The following KCNG2 variants were observed in gnomAD, a reference collection of about 807,000 sequenced individuals.
KCNG2 encodes the protein potassium voltage-gated channel modifier subfamily G member 2, also known as voltage-gated potassium channel regulatory subunit KCNG2.
KCNG2 carries 7 observed loss-of-function variants against 12.3 expected under a neutral mutation model. That is an observed-to-expected ratio of 0.57 (90% confidence interval 0.32 to 1.07). KCNG2 has a LOEUF of 1.07. Ranked by LOEUF, KCNG2 falls within the 50% of genes least tolerant of loss-of-function variation. The pLI, the probability that KCNG2 is intolerant of heterozygous loss-of-function variation, is 0.04. For synonymous variants in KCNG2, 414 were observed against 351.4 expected (o/e 1.18, Z -1.99); for missense variants, 703 against 726.0 (o/e 0.97, Z 0.36).
intron 1 of KCNG2, among the ~76,000 whole-genome samples, chr18:79,850,832 T>G (rs1978788866): frequency 6.6e-6 from 1 of 152,214 alleles, no homozygotes. Context: ...CATGGCCCAG[T>G]AAGAACTCAA....
At chr18:79,873,622 C>T (rs1979951065) in intron 3 of KCNG2, among the ~76,000 whole-genome samples, 1 of 152,092 alleles carries the variant, frequency 6.6e-6, no homozygotes, top group Admixed American at 6.5e-5. Flanking sequence ...GTTGGGGAGC[C>T]CTGGACGGGA....
chr18:79,836,850 A>G (rs1978330950), intron 1 of KCNG2, among the ~76,000 whole-genome samples: 1 of 152,112 alleles, frequency 6.6e-6, no homozygotes, highest in South Asian at 2.1e-4. Context: ...GAGGATGACA[A>G]TTCAAGCTGA....
intron 1 of KCNG2, among the ~76,000 whole-genome samples, chr18:79,844,068 A>AG (rs1302161481): frequency 6.6e-6 from 1 of 152,170 alleles, no homozygotes; most frequent in Non-Finnish European, 1.5e-5. Flanking sequence ...ACCAAAAGAG[A>AG]GCAGGGGTGT....
intron 1 of KCNG2, among the ~76,000 whole-genome samples, chr18:79,833,832 G>C (rs774619081): frequency 9.2e-5 from 14 of 152,372 alleles, no homozygotes; most frequent in Non-Finnish European, 1.9e-4. Flanking sequence ...GGCTTTTGTG[G>C]CAAAGTGTGG....
chr18:79,825,749 GA>G (rs2059031447), intron 1 of KCNG2, among the ~76,000 whole-genome samples: 1 of 152,214 alleles, frequency 6.6e-6, no homozygotes, highest in Non-Finnish European at 1.5e-5. Flanking sequence ...TCTAAAATTA[GA>G]ATCGTTTTTA....
At chr18:79,861,698 T>A (rs753318986) in intron 2 of KCNG2, among the ~76,000 whole-genome samples, 12 of 152,228 alleles carry the variant, frequency 7.9e-5, no homozygotes, top group Non-Finnish European at 1.3e-4. Context: ...GGAGGGTTTT[T>A]AAACCATATT....
Position 79,884,538 on chromosome 18 carries a change from AGGGC to A in KCNG2, c.625-14501_625-14498del, listed in dbSNP as rs906218113. ...TGATGTCCCGATGCAGTGGAGGAGC[AGGGC>A]TGGGTCTGGGCCTGGGCCTGGGCGT... On this transcript the variant is annotated intron_variant, in intron 3 of 3. Coordinates refer to ENST00000316249, the MANE Select transcript of KCNG2 (RefSeq NM_012283.2). The surrounding 1 kb of genome is among the most constrained non-coding windows in gnomAD (Gnocchi z 5.5). Among the ~76,000 whole-genome samples, 3 of 149,278 alleles carry A rather than the reference AGGGC, an allele frequency of 2.0e-5. No homozygotes were observed. The highest frequency in any genetic ancestry group is 7.3e-5 in the African/African-American group (3 of 41,104).
At chr18:79,842,110 G>A (rs890646501) in intron 1 of KCNG2, among the ~76,000 whole-genome samples, 3 of 152,116 alleles carry the variant, frequency 2.0e-5, no homozygotes, top group African/African-American at 7.2e-5. Flanking sequence ...GCAAGTCCTC[G>A]CAGCCACATG....
chr18:79,825,652 G>A (rs2123011993), intron 1 of KCNG2, among the ~76,000 whole-genome samples: 1 of 152,262 alleles, frequency 6.6e-6, no homozygotes. Flanking sequence ...GTGTCAATAA[G>A]GATTAATACG....
At chr18:79,864,719 C>A (rs1021904447) in intron 3 of KCNG2, among the ~76,000 whole-genome samples, 1 of 152,096 alleles carries the variant, frequency 6.6e-6, no homozygotes, top group African/African-American at 2.4e-5. Context: ...GGCTGGAGGA[C>A]AGTGCCAGGG....
Position 79,861,977 on chromosome 18 carries a change from C to CT in KCNG2, c.-40-1643dup, listed in dbSNP as rs1030413549. Among the ~76,000 whole-genome samples the CT allele has an allele frequency of 5.9e-5, 9 of 152,074 alleles. 1 individual carries two copies. The highest frequency in any genetic ancestry group is 1.4e-4 in the African/African-American group (6 of 41,390). Reference sequence around the variant, plus strand: ...ACTTTCAACACCAGAATTTCTATCACTTTTTTTTAATATAACTTCTGTCTC... The same window carrying CT: ...ACTTTCAACACCAGAATTTCTATCACTTTTTTTTTAATATAACTTCTGTCTC... On this transcript the variant is annotated intron_variant, in intron 2 of 3. Coordinates refer to ENST00000316249, the MANE Select transcript of KCNG2 (RefSeq NM_012283.2).
At chr18:79,824,540 A>C (rs1420463622) in intron 1 of KCNG2, among the ~76,000 whole-genome samples, 2 of 152,204 alleles carry the variant, frequency 1.3e-5, no homozygotes, top group Non-Finnish European at 2.9e-5. Flanking sequence ...TACCTCTCGT[A>C]TAATGTTAAA....
At chr18:79,842,688 C>A (rs1035105177) in intron 1 of KCNG2, among the ~76,000 whole-genome samples, 2 of 152,166 alleles carry the variant, frequency 1.3e-5, no homozygotes, top group African/African-American at 4.8e-5. Context: ...AAGACCCAAA[C>A]AGAAATTCTG....
chr18:79,899,576 C>T lies in KCNG2; in HGVS notation c.1161C>T (p.Leu387=). The T allele has an allele frequency of 6.3e-7, 1 of 1,599,660 alleles. No individual in the cohort carries two copies. Among genetic ancestry groups the T allele is most frequent in the Non-Finnish European group, 8.5e-7 (1 of 1,173,218 alleles). The change falls in exon 4 of 4, where the codon CTC becomes CTT. Residue 387 remains leucine, a synonymous_variant. Coordinates refer to ENST00000316249, the MANE Select transcript of KCNG2 (RefSeq NM_012283.2). ...GCCTGCCCGGGCAGGTGGTGGCGCTCAGCAGCATCCTCAGCGGCATCCTGC... is the reference window on the plus strand; with the variant it reads ...GCCTGCCCGGGCAGGTGGTGGCGCTTAGCAGCATCCTCAGCGGCATCCTGC... ...PRSLPGQVVA[L]SSILSGILLM... is the part of the protein sequence containing the mutation.
At chr18:79,888,970 C>CT (rs1431930369) in intron 3 of KCNG2, among the ~76,000 whole-genome samples, 1 of 152,156 alleles carries the variant, frequency 6.6e-6, no homozygotes, top group African/African-American at 2.4e-5. Context: ...TGAGCCACCA[C>CT]GCTGGCCCTC....
intron 1 of KCNG2, among the ~76,000 whole-genome samples, chr18:79,818,896 C>T (rs1340957413): frequency 2.0e-5 from 3 of 152,104 alleles, no homozygotes; most frequent in East Asian, 3.9e-4. Context: ...GCCGAAGGTC[C>T]GCAGGTCTGG....
Position 79,896,850 on chromosome 18 carries a change from T to C in KCNG2, c.625-2190T>C, listed in dbSNP as rs117338732. Among the ~76,000 whole-genome samples the C allele has an allele frequency of 5.3e-3, 800 of 152,352 alleles. 7 individuals carry two copies. Among genetic ancestry groups the C allele is most frequent in the Middle Eastern group, 0.02 (6 of 294 alleles). On this transcript the variant is annotated intron_variant, in intron 3 of 3. Coordinates refer to ENST00000316249, the MANE Select transcript of KCNG2 (RefSeq NM_012283.2). ...ATTTTTCAGCAGTAACTTTGCTGGA[T>C]ATAGGATTCTTGATTGGCAGGGTTT... is the stretch of plus-strand genomic sequence containing the variant.
rs555521110 is a variant in KCNG2, at chr18:79,825,914, C to T, written c.-115+27900C>T. Among the ~76,000 whole-genome samples the T allele has an allele frequency of 8.8e-4, 134 of 152,356 alleles. 1 individual carries two copies. The highest frequency in any genetic ancestry group is 4.1e-3 in the South Asian group (20 of 4,832). On this transcript the variant is annotated intron_variant, in intron 1 of 3. Coordinates refer to ENST00000316249, the MANE Select transcript of KCNG2 (RefSeq NM_012283.2). ...GTTTCTTTATGCGTCTGCCCATGGACGGCAGGTGGGAGCGCGGACACCTGT... is the reference window on the plus strand; with the variant it reads ...GTTTCTTTATGCGTCTGCCCATGGATGGCAGGTGGGAGCGCGGACACCTGT...
rs953938474 is a variant in KCNG2 at position 79,864,061 on chromosome 18, G to A, written c.394G>A (p.Glu132Lys). ...GCGCCGCCGCGAGGAGGAGGCGGCC[G>A]AGGCCCGCGCGGGGCCGACGGAGCG... The part of the protein sequence containing the change: ...RLRRREEEAA[E>K]ARAGPTERGA... Residue 132 changes from glutamate (E) to lysine (K), a missense_variant, in exon 3 of 4, where the codon GAG (glutamate) becomes AAG (lysine). Coordinates refer to ENST00000316249, the MANE Select transcript of KCNG2 (RefSeq NM_012283.2). The A allele has an allele frequency of 9.1e-7, 1 of 1,098,026 alleles. No individual in the cohort carries two copies. The highest frequency in any genetic ancestry group is 1.1e-6 in the Non-Finnish European group (1 of 902,940). The allele number at this position is 1,098,026 out of a possible 1,614,324, so 68.0% of individuals were successfully genotyped here. A position where few individuals can be genotyped will look rare whatever the true frequency, so the allele number is the denominator to read the frequency against.
Sources: allele counts gnomAD v4.1 joint callset (sites outside exome capture counted in the v4.1 genomes callset), GRCh38; gene constraint gnomAD v4.1.1; non-coding constraint Gnocchi (gnomAD v3.1); transcripts MANE v1.5; gene names NCBI Gene and HGNC (gene_info 2026-07-23, HGNC 2026-07-21).